Variants in USH2A observed in about 807,000 individuals in gnomAD.
The protein encoded by USH2A is Usher syndrome 2A (autosomal recessive, mild).
A neutral mutation model predicts 538.9 loss-of-function variants in USH2A; 443 were observed. The ratio of observed to expected loss-of-function variants is 0.82; its 90% CI spans 0.76 to 0.89. The LOEUF (loss-of-function observed/expected upper bound fraction) is 0.89, where lower values mean the gene tolerates loss of function less well. Among genes scored for constraint, USH2A ranks in the 40% least tolerant of loss-of-function variants. The pLI is 0.00. For missense variants in USH2A, 6,633 were observed against 6,324.8 expected (o/e 1.05, Z -1.65); for synonymous variants, 2,413 against 2,273.5 (o/e 1.06, Z -1.75).
intron 11 of USH2A, among the ~76,000 whole-genome samples, chr1:216,259,537 T>C (rs548102641): frequency 6.6e-6 from 1 of 152,244 alleles, no homozygotes; most frequent in East Asian, 1.9e-4. Context: ...AAGTATATTG[T>C]ACACATTCTG....
At chr1:215,945,637 T>G (rs1186639542) in intron 37 of USH2A, among the ~76,000 whole-genome samples, 1 of 152,182 alleles carries the variant, frequency 6.6e-6, no homozygotes, top group East Asian at 1.9e-4. Context: ...TTTTTAATCC[T>G]TGTTCATTTG....
At chr1:215,959,900 C>T (rs752915429) in intron 37 of USH2A, among the ~76,000 whole-genome samples, 3 of 152,200 alleles carry the variant, frequency 2.0e-5, no homozygotes, top group Non-Finnish European at 4.4e-5. Context: ...ATGAAGATCA[C>T]GTCCCAATTC....
chr1:215,834,196 C>T (rs575539228), intron 47 of USH2A, among the ~76,000 whole-genome samples: 39 of 152,102 alleles, frequency 2.6e-4, no homozygotes, highest in African/African-American at 8.9e-4. Flanking sequence ...GGGTATTTAC[C>T]CACATGAAAT....
intron 50 of USH2A, among the ~76,000 whole-genome samples, chr1:215,795,748 T>C (rs1662108291): frequency 6.6e-6 from 1 of 152,180 alleles, no homozygotes; most frequent in African/African-American, 2.4e-5. Context: ...TTAGTCATAG[T>C]ACAGGATAAC....
Position 215,791,612 on chromosome 1 carries a change from T to A in USH2A, c.9959-1330A>T, listed in dbSNP as rs577025438. Among the ~76,000 whole-genome samples the A allele has an allele frequency of 2.0e-5, 3 of 152,356 alleles. No homozygotes were observed. The South Asian group carries it at 6.2e-4, about 32-fold the overall frequency. ...ATTCTAACAGAGCTTTGGCATACCATGTTTATCTAATGTGATAACTCTTCG... is the reference window on the plus strand; with the variant it reads ...ATTCTAACAGAGCTTTGGCATACCAAGTTTATCTAATGTGATAACTCTTCG... On this transcript the variant is annotated intron_variant, in intron 50 of 71. Coordinates refer to ENST00000307340, the MANE Select transcript of USH2A (RefSeq NM_206933.4).
chr1:216,422,000 T>C lies in USH2A; in HGVS notation c.337A>G (p.Lys113Glu). The C allele has an allele frequency of 6.2e-7, 1 of 1,613,916 alleles. No individual in the cohort carries two copies. The highest frequency in any genetic ancestry group is 8.5e-7 in the Non-Finnish European group (1 of 1,179,916). Residue 113 changes from lysine (K) to glutamate (E), a missense_variant, in exon 2 of 72, where the codon AAG becomes GAG. Transcript: ENST00000307340. ...AGLSSCITPDKNDLHPNAHSN... is the reference protein window; with the variant it reads ...AGLSSCITPDENDLHPNAHSN... Reference sequence around the variant, plus strand: ...TGGGCGTTAGGATGCAGATCATTCTTGTCTGGTGTGATGCAGCTACTGAGG... The same window carrying C: ...TGGGCGTTAGGATGCAGATCATTCTCGTCTGGTGTGATGCAGCTACTGAGG...
chr1:216,310,905 ATCTATG>A (rs2037409078), intron 9 of USH2A, among the ~76,000 whole-genome samples: 3 of 152,134 alleles, frequency 2.0e-5, no homozygotes, highest in Non-Finnish European at 4.4e-5. Flanking sequence ...GTGGACATAC[ATCTATG>A]TCTTTGCTGC....
At chr1:216,040,248 T>C (rs1054801162) in intron 32 of USH2A, among the ~76,000 whole-genome samples, 1 of 152,080 alleles carries the variant, frequency 6.6e-6, no homozygotes, top group Admixed American at 6.6e-5. Flanking sequence ...ATTTATCAGA[T>C]GATACATTTG....
intron 30 of USH2A, among the ~76,000 whole-genome samples, chr1:216,066,383 G>A (rs913234644): frequency 5.3e-5 from 8 of 151,966 alleles, no homozygotes; most frequent in Admixed American, 1.3e-4. Flanking sequence ...AGAGAATGGC[G>A]TAAACCTGGG....
chr1:216,356,512 C>T (rs2038394504), intron 4 of USH2A, among the ~76,000 whole-genome samples: 1 of 151,974 alleles, frequency 6.6e-6, no homozygotes, highest in South Asian at 2.1e-4. Context: ...TGGCATATTT[C>T]CTTCCAGAAC....
chr1:215,927,711 A>G (rs1666268908), intron 38 of USH2A, among the ~76,000 whole-genome samples: 1 of 152,066 alleles, frequency 6.6e-6, no homozygotes, highest in Non-Finnish European at 1.5e-5. Context: ...CTGAAACCTT[A>G]GCATCATACA....
At chr1:215,658,858 T>C (rs1468344666) in intron 64 of USH2A, among the ~76,000 whole-genome samples, 8 of 152,256 alleles carry the variant, frequency 5.3e-5, no homozygotes, top group African/African-American at 9.6e-5. Flanking sequence ...CTAATGGATA[T>C]AGCATTAAAA....
chr1:215,836,447 G>T (rs1476881637), intron 47 of USH2A, among the ~76,000 whole-genome samples: 1 of 75,446 alleles, frequency 1.3e-5, no homozygotes, highest in Non-Finnish European at 2.6e-5. Context: ...TGCCTTCTAT[G>T]TGTGTGTGTA....
chr1:216,057,530 A>G (rs2031019580), intron 30 of USH2A, among the ~76,000 whole-genome samples: 1 of 151,792 alleles, frequency 6.6e-6, no homozygotes, highest in Admixed American at 6.6e-5. Context: ...CAAAAAAAAC[A>G]AAAAACAAAA....
chr1:216,173,753 G>C (rs1198061891), intron 21 of USH2A, among the ~76,000 whole-genome samples: 1 of 152,100 alleles, frequency 6.6e-6, no homozygotes, highest in African/African-American at 2.4e-5. Context: ...AAATCTGTCT[G>C]CTGGCTAGCC....
intron 38 of USH2A, among the ~76,000 whole-genome samples, chr1:215,909,318 C>T (rs980429456): frequency 1.3e-5 from 2 of 151,750 alleles, no homozygotes; most frequent in Admixed American, 6.6e-5. Flanking sequence ...AGATGGAACA[C>T]GGAGGCTTTT....
intron 38 of USH2A, among the ~76,000 whole-genome samples, chr1:215,907,386 T>G (rs78488605): frequency 0.025 from 3,773 of 152,170 alleles, 57 homozygotes; most frequent in South Asian, 0.038. Flanking sequence ...TCCTTTCCAC[T>G]AAATTTCCCC....
intron 49 of USH2A, among the ~76,000 whole-genome samples, chr1:215,812,316 TG>T (rs1323363296): frequency 6.6e-6 from 1 of 152,132 alleles, no homozygotes; most frequent in Non-Finnish European, 1.5e-5. Flanking sequence ...TCTGGGAGAC[TG>T]TTTTGAGTAA....
At chr1:215,741,689 G>GAACATTTAATGTTCAAATAA (rs1558077776) in intron 59 of USH2A, 152 bp from the exon 60 acceptor site, 3 of 875,324 alleles carry the variant, frequency 3.4e-6, no homozygotes, top group Non-Finnish European at 5.0e-6. Context: ...ATTTTTATGG[G>GAACATTTAATGTTCAAATAA]ATTTGAACAT....
Sources: allele counts gnomAD v4.1 joint callset (sites outside exome capture counted in the v4.1 genomes callset), GRCh38; gene constraint gnomAD v4.1.1; transcripts MANE v1.5; gene names NCBI Gene and HGNC (gene_info 2026-07-23, HGNC 2026-07-21).